Variants in ZNF469 observed in about 807,000 individuals in gnomAD.
ZNF469 encodes the protein zinc finger protein 469.
In ZNF469, 1 loss-of-function variant was observed where a neutral mutation model predicts 1.0. That is an observed-to-expected ratio of 1.00 (90% CI 0.35 to 4.73). ZNF469 has a LOEUF of 4.73. Ranked by LOEUF, ZNF469 falls within the 30% of genes most tolerant of loss-of-function variation. The probability of loss-of-function intolerance (pLI) is 0.16; values close to 1 mark genes in which losing one functional copy is unlikely to be tolerated. For missense variants in ZNF469, 6,100 were observed against 5,356.3 expected (o/e 1.14, Z -4.33); for synonymous variants, 2,703 against 2,363.4 (o/e 1.14, Z -4.17).
chr16:88,434,654 G>T lies in ZNF469; in HGVS notation c.7184G>T (p.Arg2395Met). The T allele has an allele frequency of 6.5e-7, 1 of 1,550,312 alleles. No homozygotes were observed. Among genetic ancestry groups the T allele is most frequent in the Non-Finnish European group, 8.7e-7 (1 of 1,146,928 alleles). Reference sequence around the variant, plus strand: ...CGCTCTGGTGCTACCAAGATGCCCAGGGTCACCTGCCCTTCCACAGGACTG... The same window carrying T: ...CGCTCTGGTGCTACCAAGATGCCCATGGTCACCTGCCCTTCCACAGGACTG... ...TGRSGATKMP[R>M]VTCPSTGLGL... is the part of the protein sequence containing the mutation. The change falls in exon 3 of 3, where the codon AGG becomes ATG. Residue 2395 changes from arginine (R) to methionine (M), a missense_variant. Transcript: ENST00000565624.
the ZNF469 span, among the ~76,000 whole-genome samples, chr16:88,271,088 C>G: frequency 6.6e-6 from 1 of 152,052 alleles, no homozygotes; most frequent in South Asian, 2.1e-4. Context: ...CTCAGGGGTC[C>G]TCCTCTATAA....
the ZNF469 span, among the ~76,000 whole-genome samples, chr16:88,141,996 C>T: frequency 3.9e-5 from 6 of 152,170 alleles, no homozygotes; most frequent in Non-Finnish European, 7.3e-5. Flanking sequence ...TGACTGCAGC[C>T]GCAGGAGGCT....
chr16:88,236,183 A>G, the ZNF469 span, among the ~76,000 whole-genome samples: 2 of 152,254 alleles, frequency 1.3e-5, no homozygotes. Flanking sequence ...TGCTAAGCCC[A>G]TCTCTCCAGC....
intron 1 of ZNF469, among the ~76,000 whole-genome samples, chr16:88,388,503 G>A (rs1158654855): frequency 6.6e-6 from 1 of 152,272 alleles, no homozygotes; most frequent in Non-Finnish European, 1.5e-5. Flanking sequence ...GTGGCTGTGT[G>A]TAAACAGAGC....
At chr16:88,269,114 T>G in the ZNF469 span, among the ~76,000 whole-genome samples, 85 of 152,314 alleles carry the variant, frequency 5.6e-4, no homozygotes, top group East Asian at 0.013. Context: ...GCCCAGTCTT[T>G]CCATGAGGAG....
the ZNF469 span, among the ~76,000 whole-genome samples, chr16:88,148,077 G>A: frequency 6.6e-6 from 1 of 152,108 alleles, no homozygotes; most frequent in East Asian, 1.9e-4. Flanking sequence ...CCTGCAGTGG[G>A]GCGGCGACTG....
At chr16:88,224,202 G>A in the ZNF469 span, among the ~76,000 whole-genome samples, 2 of 152,194 alleles carry the variant, frequency 1.3e-5, no homozygotes, top group African/African-American at 4.8e-5. Flanking sequence ...TCAACTGGAG[G>A]AAGACACGCG....
chr16:88,434,296 G>T lies in ZNF469; in HGVS notation c.6826G>T (p.Ala2276Ser). The change falls in exon 3 of 3, where the codon GCC (alanine) becomes TCC (serine). Residue 2276 changes from alanine (A) to serine (S), a missense_variant. Transcript: ENST00000565624. The stretch of plus-strand genomic sequence containing the variant: ...AGCCACCTCTCCTCCTCTGGCAGGG[G>T]CCGTCTCCCCCAGCGTGGCCGTCAG... ...GRATSPPLAG[A>S]VSPSVAVRAT... 1.3e-6 allele frequency: 2 copies of T among 1,550,366 alleles called. No individual in the cohort carries two copies. The highest frequency in any genetic ancestry group is 1.7e-6 in the Non-Finnish European group (2 of 1,146,970).
the ZNF469 span, among the ~76,000 whole-genome samples, chr16:88,301,030 A>G: frequency 6.6e-6 from 1 of 151,812 alleles, no homozygotes; most frequent in Non-Finnish European, 1.5e-5. Context: ...ATGCCATTGC[A>G]CTCCAGCCTG....
the ZNF469 span, among the ~76,000 whole-genome samples, chr16:88,340,489 G>C: frequency 6.6e-6 from 1 of 152,208 alleles, no homozygotes; most frequent in African/African-American, 2.4e-5. Context: ...ACATAGGCCA[G>C]ACATCACGGG....
At chr16:88,149,511 G>T in the ZNF469 span, among the ~76,000 whole-genome samples, 1 of 152,200 alleles carries the variant, frequency 6.6e-6, no homozygotes, top group African/African-American at 2.4e-5. Context: ...AACCCTTTCT[G>T]CTTCTCCTGA....
the ZNF469 span, among the ~76,000 whole-genome samples, chr16:88,259,473 TCTC>T: frequency 1.3e-5 from 2 of 152,046 alleles, no homozygotes; most frequent in African/African-American, 2.4e-5. The surrounding 1 kb of genome is among the most constrained non-coding windows in gnomAD (Gnocchi z 4.1). Flanking sequence ...CCCGCATGCT[TCTC>T]CTCCGCTGCA....
At chr16:88,192,834 GAT>G in the ZNF469 span, among the ~76,000 whole-genome samples, 10 of 150,796 alleles carry the variant, frequency 6.6e-5, no homozygotes, top group Non-Finnish European at 8.9e-5. Flanking sequence ...TGGTGGTGGT[GAT>G]GACAATGATG....
chr16:88,260,024 C>A, the ZNF469 span, among the ~76,000 whole-genome samples: 1 of 152,030 alleles, frequency 6.6e-6, no homozygotes, highest in Non-Finnish European at 1.5e-5. This position sits in a 1 kb window ranked among gnomAD's most constrained non-coding sequence, Gnocchi z 4.1. Context: ...GTCACCCAGG[C>A]TGGAGTGCAG....
chr16:88,331,128 G>A, the ZNF469 span, among the ~76,000 whole-genome samples: 345 of 123,602 alleles, frequency 2.8e-3, 2 homozygotes, highest in African/African-American at 9.0e-3. Context: ...CATCACCATC[G>A]TCACCATCAC....
At chr16:88,363,343 T>A in the ZNF469 span, among the ~76,000 whole-genome samples, 5 of 152,250 alleles carry the variant, frequency 3.3e-5, no homozygotes, top group African/African-American at 1.2e-4. Flanking sequence ...ACCTTTAGAT[T>A]CTGCTGTGTG....
chr16:88,161,673 T>G, the ZNF469 span, among the ~76,000 whole-genome samples: 1 of 152,138 alleles, frequency 6.6e-6, no homozygotes, highest in Non-Finnish European at 1.5e-5. Flanking sequence ...CTTCCAGTTA[T>G]TCAATGAATG....
At chr16:88,357,337 C>T in the ZNF469 span, among the ~76,000 whole-genome samples, 11 of 152,242 alleles carry the variant, frequency 7.2e-5, no homozygotes. Context: ...GCCACCTCTC[C>T]ACGGGTCTAG....
At chr16:88,342,830 A>G in the ZNF469 span, among the ~76,000 whole-genome samples, 1 of 152,234 alleles carries the variant, frequency 6.6e-6, no homozygotes, top group Non-Finnish European at 1.5e-5. Flanking sequence ...ACGCCAGCAT[A>G]GGGCGATACC....
Sources: gnomAD v4.1 joint callset for allele counts (sites outside exome capture counted in the v4.1 genomes callset) on GRCh38, gnomAD v4.1.1 for gene constraint, Gnocchi (gnomAD v3.1) non-coding constraint, MANE v1.5 for transcripts, NCBI Gene and HGNC (gene_info 2026-07-23, HGNC 2026-07-21) for gene names.